Variants in KIDINS220 observed in about 807,000 individuals in gnomAD.
KIDINS220 encodes the protein kinase D interacting substrate 220, also known as kinase D-interacting substrate of 220 kDa.
A neutral mutation model predicts 157.6 loss-of-function variants in KIDINS220; 63 were observed. The ratio of observed to expected loss-of-function variants is 0.40; its 90% CI spans 0.33 to 0.49. The LOEUF is 0.49. Among genes scored for constraint, KIDINS220 ranks in the 20% least tolerant of loss-of-function variants. The probability of loss-of-function intolerance (pLI) is 0.66; values close to 1 mark genes in which losing one functional copy is unlikely to be tolerated. For missense variants in KIDINS220, 1,772 were observed against 2,171.2 expected (o/e 0.82, Z 3.65); for synonymous variants, 732 against 783.6 (o/e 0.93, Z 1.10).
At position 8,730,204 on chromosome 2, in the gene KIDINS220, G is replaced by A; in HGVS notation, c.*516C>T. On this transcript the variant is annotated 3_prime_UTR_variant, in exon 30 of 30. Transcript: ENST00000256707. ...AACCTCTGTGATAAGCAATACCCCT[G>A]CCATACAGAACGCTGGATCTCGGTT... 1 of 987,168 alleles carries A rather than the reference G, an allele frequency of 1.0e-6. No individual in the cohort carries two copies. The allele number at this position is 987,168 out of a possible 1,614,324, so 61.2% of individuals were successfully genotyped here.
chr2:8,728,321 T>TCAAACAAA (rs142900998), downstream of KIDINS220, among the ~76,000 whole-genome samples: 169 of 151,240 alleles, frequency 1.1e-3, no homozygotes, highest in African/African-American at 4.0e-3. Flanking sequence ...AGAGACTGCC[T>TCAAACAAA]CAAACAAACA....
In KIDINS220 at chr2:8,788,649, C is replaced by T. The variant is rs1198036864; in HGVS notation, c.1785G>A (p.Val595=). The change falls in exon 15 of 30, where the codon GTG becomes GTA. Residue 595 remains valine (V), a splice_region_variant and synonymous_variant. Coordinates refer to ENST00000256707, the MANE Select transcript of KIDINS220 (RefSeq NM_020738.4). ...LPEQTTKALP[V]RFLFTDYNRL... ...TTCTGTCAAATGGTACAACTCACCT[C>T]ACAGGTAAAGCTTTAGTAGTCTGCT... The T allele has an allele frequency of 6.2e-7, 1 of 1,611,500 alleles. No homozygotes were observed. Among genetic ancestry groups the T allele is most frequent in the Non-Finnish European group, 8.5e-7 (1 of 1,179,094 alleles).
intron 17 of KIDINS220, among the ~76,000 whole-genome samples, chr2:8,784,060 G>T (rs1340514320): frequency 6.6e-6 from 1 of 151,768 alleles, no homozygotes; most frequent in Non-Finnish European, 1.5e-5. Context: ...ATGCGCAAAC[G>T]AACAGACAAA....
At chr2:8,786,066 T>A (rs746212054) in intron 16 of KIDINS220, 36 bp from the exon 17 acceptor site, 2 of 1,570,098 alleles carry the variant, frequency 1.3e-6, no homozygotes, top group African/African-American at 2.7e-5. Flanking sequence ...AATTAACATA[T>A]CAAGGATCTA....
intron 1 of KIDINS220, among the ~76,000 whole-genome samples, chr2:8,836,296 T>C (rs924565102): frequency 5.9e-5 from 9 of 152,024 alleles, no homozygotes; most frequent in African/African-American, 2.2e-4. Flanking sequence ...AATGGGGCTT[T>C]GGCCAGGCTG....
intron 17 of KIDINS220, among the ~76,000 whole-genome samples, chr2:8,781,906 G>A (rs1034317336): frequency 1.3e-5 from 2 of 152,132 alleles, no homozygotes; most frequent in African/African-American, 4.8e-5. Context: ...TGGATCGCTT[G>A]AGCTCAGGAG....
rs1406922152 is a variant in KIDINS220 at position 8,776,643 on chromosome 2, A to C, written c.2848+105T>G. 82 of 895,158 alleles carry C rather than the reference A, an allele frequency of 9.2e-5. No individual in the cohort carries two copies. The East Asian group carries it at 2.2e-3, about 24-fold the overall frequency. The allele number at this position is 895,158 out of a possible 1,614,324, so 55.5% of individuals were successfully genotyped here. A position where few individuals can be genotyped will look rare whatever the true frequency, so the allele number is the denominator to read the frequency against. On this transcript the variant is annotated intron_variant, in intron 21 of 29. Coordinates refer to ENST00000256707, the MANE Select transcript of KIDINS220 (RefSeq NM_020738.4). The stretch of plus-strand genomic sequence containing the variant: ...AATACAAATAAAGCCAGTATTCAGC[A>C]ATGTAAACATATACACACAATACAT...
intron 11 of KIDINS220, among the ~76,000 whole-genome samples, chr2:8,795,226 A>G (rs1673742956): frequency 6.6e-6 from 1 of 152,134 alleles, no homozygotes; most frequent in Non-Finnish European, 1.5e-5. Flanking sequence ...AGATTTCCCA[A>G]TGTCTACTGG....
chr2:8,837,169 C>A (rs1248839315), intron 1 of KIDINS220, among the ~76,000 whole-genome samples: 1 of 152,128 alleles, frequency 6.6e-6, no homozygotes, highest in Non-Finnish European at 1.5e-5. Flanking sequence ...AGAAAAAAAA[C>A]GGTTTTACCA....
At chr2:8,822,063 C>T (rs1442251712) in intron 2 of KIDINS220, among the ~76,000 whole-genome samples, 1 of 152,112 alleles carries the variant, frequency 6.6e-6, no homozygotes, top group Admixed American at 6.5e-5. Flanking sequence ...CAAAACACAC[C>T]AAAAACAAAA....
chr2:8,798,184 T>C lies in KIDINS220; in HGVS notation c.999+18A>G, dbSNP rs1276451039. The C allele has an allele frequency of 1.9e-5, 27 of 1,451,432 alleles. No individual in the cohort carries two copies. Among genetic ancestry groups the C allele is most frequent in the South Asian group, 3.4e-5 (3 of 87,254 alleles). 89.9% of individuals were successfully genotyped at this position (1,451,432 alleles called of 1,614,324 possible). ...TCAGCATAAGGTGCTGCTAACAGAATAGAAATGCCATTTATACCTTTGTGC... is the reference window on the plus strand; with the variant it reads ...TCAGCATAAGGTGCTGCTAACAGAACAGAAATGCCATTTATACCTTTGTGC... On this transcript the variant is annotated intron_variant, in intron 10 of 29. Transcript: ENST00000256707.
At chr2:8,826,045 C>T (rs1678764441) in intron 2 of KIDINS220, 1 of 151,964 alleles carries the variant, frequency 6.6e-6, no homozygotes, top group Non-Finnish European at 1.5e-5. Flanking sequence ...GATCCTGCCA[C>T]TGTACACCAG....
chr2:8,819,616 G>A (rs1677612375), intron 2 of KIDINS220, among the ~76,000 whole-genome samples: 1 of 152,152 alleles, frequency 6.6e-6, no homozygotes, highest in Non-Finnish European at 1.5e-5. Flanking sequence ...ATGAGGCCAG[G>A]AGTTCAAGAC....
intron 22 of KIDINS220, among the ~76,000 whole-genome samples, chr2:8,752,048 T>C (rs778207211): frequency 3.9e-5 from 6 of 151,988 alleles, no homozygotes; most frequent in Non-Finnish European, 7.4e-5. Context: ...TGAGACAGAA[T>C]CTTGTTCTGC....
Position 8,731,980 on chromosome 2 carries a change from T to G in KIDINS220, c.4056A>C (p.Ser1352=). The G allele has an allele frequency of 6.4e-7, 1 of 1,566,066 alleles. No homozygotes were observed. The highest frequency in any genetic ancestry group is 8.6e-7 in the Non-Finnish European group (1 of 1,160,532). The change falls in exon 30 of 30, where the codon TCA becomes TCC. Residue 1352 remains serine (S), a splice_region_variant and synonymous_variant. Coordinates refer to ENST00000256707, the MANE Select transcript of KIDINS220 (RefSeq NM_020738.4). The surrounding 1 kb of genome is among the most constrained non-coding windows in gnomAD (Gnocchi z 5.2). ...AAAGACTTGGGGTTCTGCGAGTTTG[T>G]GACTGTGAAGACAGAAAAAAAATAA... ...APRHSNLSWQ[S]QTRRTPSLSS...
downstream of KIDINS220, chr2:8,726,946 A>T: frequency 2.3e-6 from 3 of 1,285,398 alleles, no homozygotes; most frequent in Non-Finnish European, 3.0e-6. Flanking sequence ...TTTTCTTCCT[A>T]GGCATGAAAG....
intron 18 of KIDINS220, 91 bp downstream of exon 18, chr2:8,779,583 T>G: frequency 1.4e-6 from 2 of 1,386,978 alleles, no homozygotes; most frequent in Non-Finnish European, 1.9e-6. Flanking sequence ...CAAAAACCAA[T>G]TCCGTTCTAT....
At chr2:8,782,459 A>C (rs908860513) in intron 17 of KIDINS220, among the ~76,000 whole-genome samples, 5 of 152,256 alleles carry the variant, frequency 3.3e-5, no homozygotes, top group African/African-American at 1.2e-4. Flanking sequence ...TAAACAGACC[A>C]GTTCTTTCAA....
intron 22 of KIDINS220, 90 bp from the exon 23 acceptor site, chr2:8,751,734 T>G (rs998783737): frequency 3.1e-5 from 27 of 858,012 alleles, no homozygotes; most frequent in Middle Eastern, 3.5e-4. Context: ...TATACAACAA[T>G]TACACATCTT....
Sources: allele counts gnomAD v4.1 joint callset (sites outside exome capture counted in the v4.1 genomes callset), GRCh38; gene constraint gnomAD v4.1.1; non-coding constraint Gnocchi (gnomAD v3.1); transcripts MANE v1.5; gene names NCBI Gene and HGNC (gene_info 2026-07-23, HGNC 2026-07-21).